The following COP1 variants were observed in gnomAD, a reference collection of about 807,000 sequenced individuals.
COP1 encodes the protein E3 ubiquitin-protein ligase COP1.
COP1 carries 24 observed loss-of-function variants against 101.3 expected under a neutral mutation model. The observed-to-expected ratio is 0.24, with a 90% CI of 0.17 to 0.33. The LOEUF is 0.33. Among genes scored for constraint, COP1 ranks in the 10% least tolerant of loss-of-function variants. COP1 has a pLI of 1.00. For synonymous variants in COP1, 347 were observed against 341.9 expected (o/e 1.01, Z -0.17); for missense variants, 663 against 906.2 (o/e 0.73, Z 3.45).
intron 6 of COP1, among the ~76,000 whole-genome samples, chr1:176,139,288 CA>C (rs563184945): frequency 0.1 from 11,289 of 108,260 alleles, 482 homozygotes; most frequent in Admixed American, 0.16. Flanking sequence ...ACAAAAAAAA[CA>C]AAAAAAAAAA....
Position 176,043,178 on chromosome 1 carries a change from A to G in COP1, c.1612+8T>C, listed in dbSNP as rs759764191. ...AAGGAGGTGCTGAGAAAGAGATTCA[A>G]ACAGTACCTTTTGCATCATCAGAAC... On this transcript the variant is annotated splice_region_variant and intron_variant, in intron 14 of 19. Transcript: ENST00000367669. 18 of 1,588,158 alleles carry G rather than the reference A, an allele frequency of 1.1e-5. No individual in the cohort carries two copies. The highest frequency in any genetic ancestry group is 1.7e-5 in the Admixed American group (1 of 59,830).
intron 17 of COP1, 125 bp from the exon 18 acceptor site, chr1:175,987,228 C>T (rs1210500636): frequency 2.0e-6 from 1 of 511,548 alleles, no homozygotes; most frequent in African/African-American, 1.9e-5. Flanking sequence ...ATTTGAAAGG[C>T]TAGATCACAG....
In COP1 at chr1:176,004,140, C is replaced by T. The variant is rs533108848; in HGVS notation, c.1730-14661G>A. On this transcript the variant is annotated intron_variant, in intron 15 of 19. Transcript: ENST00000367669. ...TGTGAATGGGAGTTCACTCATGATT[C>T]GGCTCTCTGTTTGTCTGTTGTTGGT... Among the ~76,000 whole-genome samples, 575 of 150,900 alleles carry T rather than the reference C, an allele frequency of 3.8e-3. 2 individuals carry two copies. Among genetic ancestry groups the T allele is most frequent in the Non-Finnish European group, 6.6e-3 (448 of 67,550 alleles).
chr1:176,116,317 G>A (rs1179458053), intron 9 of COP1, among the ~76,000 whole-genome samples: 1 of 152,100 alleles, frequency 6.6e-6, no homozygotes, highest in East Asian at 1.9e-4. Context: ...GGAGGTCAAG[G>A]CTACAGCATT....
At chr1:176,189,061 A>G (rs1258484397) in intron 1 of COP1, among the ~76,000 whole-genome samples, 2 of 152,198 alleles carry the variant, frequency 1.3e-5, no homozygotes, top group African/African-American at 4.8e-5. Context: ...AAAAACAAGA[A>G]AATATCCCTA....
At chr1:175,976,126 T>C (rs941605380) in intron 18 of COP1, among the ~76,000 whole-genome samples, 2 of 152,118 alleles carry the variant, frequency 1.3e-5, no homozygotes, top group African/African-American at 4.8e-5. Context: ...AGAATATTGG[T>C]AATAAACAGG....
At chr1:176,162,768 G>A in intron 5 of COP1, 101 bp downstream of exon 5, 1 of 946,922 alleles carries the variant, frequency 1.1e-6, no homozygotes, top group Non-Finnish European at 1.5e-6. Context: ...AAAAATGAAT[G>A]GATTAGTGAA....
intron 1 of COP1, among the ~76,000 whole-genome samples, chr1:176,204,275 C>A (rs1700600097): frequency 6.6e-6 from 1 of 152,048 alleles, no homozygotes; most frequent in Non-Finnish European, 1.5e-5. Flanking sequence ...CAGAATTGTT[C>A]TAAGGATAAA....
chr1:176,013,168 T>C (rs191751781), intron 15 of COP1, among the ~76,000 whole-genome samples: 2 of 152,174 alleles, frequency 1.3e-5, no homozygotes, highest in South Asian at 2.1e-4. Context: ...ATTTATCTTA[T>C]TTTTTATTGT....
chr1:176,083,875 G>C (rs1056784070), intron 10 of COP1, among the ~76,000 whole-genome samples: 2 of 152,122 alleles, frequency 1.3e-5, no homozygotes, highest in African/African-American at 4.8e-5. Context: ...TAAGATTCCT[G>C]AAAACTAGAG....
intron 11 of COP1, among the ~76,000 whole-genome samples, chr1:176,069,238 G>C (rs532929834): frequency 3.9e-5 from 6 of 152,124 alleles, no homozygotes; most frequent in Non-Finnish European, 8.8e-5. Context: ...ACAGTAATAC[G>C]TGGTTTTGGA....
At chr1:175,993,422 G>A (rs1659202183) in intron 15 of COP1, among the ~76,000 whole-genome samples, 1 of 152,148 alleles carries the variant, frequency 6.6e-6, no homozygotes. Flanking sequence ...GAGAGAAGAA[G>A]GTTTCAGATG....
At chr1:176,196,107 A>G (rs1449280438) in intron 1 of COP1, among the ~76,000 whole-genome samples, 3 of 152,236 alleles carry the variant, frequency 2.0e-5, no homozygotes, top group African/African-American at 7.2e-5. Context: ...ATTTGAAGAT[A>G]CAGCTAAAGT....
intron 18 of COP1, among the ~76,000 whole-genome samples, chr1:175,948,518 T>C (rs1649460210): frequency 6.6e-6 from 1 of 152,246 alleles, no homozygotes; most frequent in Admixed American, 6.5e-5. Context: ...AAGAAAACTC[T>C]TGGCTTGTAT....
At chr1:176,132,379 C>A (rs893342530) in intron 8 of COP1, among the ~76,000 whole-genome samples, 3 of 151,724 alleles carry the variant, frequency 2.0e-5, no homozygotes, top group Non-Finnish European at 4.4e-5. Flanking sequence ...CCTAACTATT[C>A]TTCCTAAGGT....
intron 6 of COP1, among the ~76,000 whole-genome samples, chr1:176,148,469 C>T (rs557464657): frequency 4.6e-5 from 7 of 151,304 alleles, no homozygotes; most frequent in Non-Finnish European, 1.0e-4. Context: ...TTAATTTTCC[C>T]ATATTTTGTA....
Position 176,114,863 on chromosome 1 carries a change from T to A in COP1, c.1026+1761A>T, listed in dbSNP as rs183019925. On this transcript the variant is annotated intron_variant, in intron 9 of 19. Transcript: ENST00000367669. The stretch of plus-strand genomic sequence containing the variant: ...TTTATAAATAATACTTTATCAATAT[T>A]AACTGCTTGAATTTTAAAGTTATAT... Among the ~76,000 whole-genome samples the A allele has an allele frequency of 1.3e-3, 192 of 152,332 alleles. 2 individuals carry two copies. Among genetic ancestry groups the A allele is most frequent in the African/African-American group, 4.4e-3 (182 of 41,580 alleles).
chr1:176,173,324 G>GA (rs11396126), intron 3 of COP1, among the ~76,000 whole-genome samples: 27,661 of 93,420 alleles, frequency 0.3, 4,665 homozygotes, highest in East Asian at 0.53. Context: ...AAAACAAAAT[G>GA]AAAAAAAAAA....
intron 18 of COP1, among the ~76,000 whole-genome samples, chr1:175,957,307 C>A (rs2148517178): frequency 6.6e-6 from 1 of 151,922 alleles, no homozygotes; most frequent in East Asian, 1.9e-4. Flanking sequence ...ATGCCCTAGG[C>A]AGGTGTACCA....
Sources: allele counts gnomAD v4.1 joint callset (sites outside exome capture counted in the v4.1 genomes callset), GRCh38; gene constraint gnomAD v4.1.1; transcripts MANE v1.5; gene names NCBI Gene and HGNC (gene_info 2026-07-23, HGNC 2026-07-21).